Variants in NDUFB4 observed in about 807,000 individuals in gnomAD.
NDUFB4 encodes NADH dehydrogenase [ubiquinone] 1 beta subcomplex subunit 4.
NDUFB4 carries 10 observed loss-of-function variants against 14.5 expected under a neutral mutation model. The observed-to-expected ratio is 0.69, with a 90% CI of 0.43 to 1.17. The LOEUF is 1.17. Ranked by LOEUF, NDUFB4 falls within the 50% of genes most tolerant of loss-of-function variation. The pLI is 0.00. For synonymous variants in NDUFB4, 65 were observed against 63.4 expected (o/e 1.03, Z -0.12); for missense variants, 165 against 161.1 (o/e 1.02, Z -0.13).
intron 1 of NDUFB4, among the ~76,000 whole-genome samples, chr3:120,599,991 T>C (rs747236063): frequency 1.3e-5 from 2 of 151,802 alleles, no homozygotes; most frequent in Non-Finnish European, 2.9e-5. Flanking sequence ...GGTGTGATAA[T>C]GTCAATAGTT....
At chr3:120,596,562 G>T in intron 1 of NDUFB4, 23 bp downstream of exon 1, 2 of 1,610,414 alleles carry the variant, frequency 1.2e-6, no homozygotes, top group Non-Finnish European at 8.5e-7. Flanking sequence ...CCTCCCAGGC[G>T]GGAATAGGGC....
intron 2 of NDUFB4, 70 bp downstream of exon 2, chr3:120,601,327 T>G: frequency 6.3e-7 from 1 of 1,596,962 alleles, no homozygotes. Context: ...CTGCAGCTCC[T>G]TCTCTTGAAG....
Position 120,602,288 on chromosome 3 carries a change from A to G in NDUFB4, c.*18A>G, listed in dbSNP as rs746463863. 9 of 1,578,958 alleles carry G rather than the reference A, an allele frequency of 5.7e-6. No homozygotes were observed. The highest frequency in any genetic ancestry group is 2.3e-5 in the South Asian group (2 of 88,824). ...CATATTAAGTCTGGCAATGATGACTATATGTATTCCTGCCTAAATAAATCA... is the reference window on the plus strand; with the variant it reads ...CATATTAAGTCTGGCAATGATGACTGTATGTATTCCTGCCTAAATAAATCA... On this transcript the variant is annotated 3_prime_UTR_variant, in exon 3 of 3. Transcript: ENST00000184266.
chr3:120,600,525 A>G (rs1940040045), intron 1 of NDUFB4, among the ~76,000 whole-genome samples: 1 of 152,178 alleles, frequency 6.6e-6, no homozygotes. Flanking sequence ...AATAGTGTGA[A>G]ATGTCTGAAT....
chr3:120,598,429 A>G (rs536552121), intron 1 of NDUFB4, among the ~76,000 whole-genome samples: 7 of 152,274 alleles, frequency 4.6e-5, no homozygotes, highest in Admixed American at 3.9e-4. Flanking sequence ...CCTATTTTAC[A>G]TGCCAAGATA....
chr3:120,596,970 ATATATTCTATATATATGCATATATAT>A (rs1227244023), intron 1 of NDUFB4, among the ~76,000 whole-genome samples: 82 of 146,776 alleles, frequency 5.6e-4, no homozygotes, highest in African/African-American at 1.8e-3. Context: ...TATATTATAT[ATATATTCTATATATATGCATATATAT>A]TATATTCTAT....
At chr3:120,602,016 C>A in intron 2 of NDUFB4, 192 bp from the exon 3 acceptor site, 1 of 1,336,212 alleles carries the variant, frequency 7.5e-7, no homozygotes, top group Non-Finnish European at 9.5e-7. Context: ...ATTACTGTTT[C>A]TTCGCACACT....
Position 120,601,599 on chromosome 3 carries a change from A to G in NDUFB4, c.327+342A>G, listed in dbSNP as rs1188057523. The G allele has an allele frequency of 8.9e-6, 10 of 1,126,362 alleles. No homozygotes were observed. The Admixed American group carries it at 2.4e-4, about 27-fold the overall frequency. The allele number at this position is 1,126,362 out of a possible 1,614,324, so 69.8% of individuals were successfully genotyped here. ...ATTTTGCAAATTAATGTTAAAACCTATTAATACTCTACGGACAGAGAAGCA... is the reference window on the plus strand; with the variant it reads ...ATTTTGCAAATTAATGTTAAAACCTGTTAATACTCTACGGACAGAGAAGCA... On this transcript the variant is annotated intron_variant, in intron 2 of 2. Coordinates refer to ENST00000184266, the MANE Select transcript of NDUFB4 (RefSeq NM_004547.6).
At chr3:120,596,682 T>C (rs556537773) in intron 1 of NDUFB4, 143 bp downstream of exon 1, 2 of 926,318 alleles carry the variant, frequency 2.2e-6, no homozygotes, top group South Asian at 3.3e-5. Context: ...ACTACCCTTT[T>C]ACCTTTGCCA....
At position 120,601,267 on chromosome 3, in the gene NDUFB4, C is replaced by T. The variant is rs1272073000; in HGVS notation, c.327+10C>T. 2 of 1,613,696 alleles carry T rather than the reference C, an allele frequency of 1.2e-6. No individual in the cohort carries two copies. The highest frequency in any genetic ancestry group is 2.7e-5 in the African/African-American group (2 of 74,890). ...TATCAAAACTGAGAGGGTAAGTATTCAGACCAGATGTTTAGTATTTGAGTG... is the reference window on the plus strand; with the variant it reads ...TATCAAAACTGAGAGGGTAAGTATTTAGACCAGATGTTTAGTATTTGAGTG... On this transcript the variant is annotated intron_variant, in intron 2 of 2. Coordinates refer to ENST00000184266, the MANE Select transcript of NDUFB4 (RefSeq NM_004547.6).
chr3:120,596,630 C>G, intron 1 of NDUFB4, 91 bp downstream of exon 1: 1 of 1,379,794 alleles, frequency 7.2e-7, no homozygotes, highest in South Asian at 1.3e-5. Flanking sequence ...CGCTCCCGAT[C>G]AGTATCTCAG....
chr3:120,602,324 A>C lies in NDUFB4; in HGVS notation c.*54A>C, dbSNP rs1448415033. 23 of 1,461,882 alleles carry C rather than the reference A, an allele frequency of 1.6e-5. No individual in the cohort carries two copies. The highest frequency in any genetic ancestry group is 2.2e-5 in the Non-Finnish European group (23 of 1,059,338). The allele number at this position is 1,461,882 out of a possible 1,614,324, so 90.6% of individuals were successfully genotyped here. A position where few individuals can be genotyped will look rare whatever the true frequency, so the allele number is the denominator to read the frequency against. On this transcript the variant is annotated 3_prime_UTR_variant, in exon 3 of 3. Transcript: ENST00000184266. The stretch of plus-strand genomic sequence containing the variant: ...TGCCTAAATAAATCATCTATTAATC[A>C]TTAAGTAGTAGTTTCTCTTTCTTAG...
At chr3:120,600,045 G>A (rs1017294323) in intron 1 of NDUFB4, among the ~76,000 whole-genome samples, 1 of 149,966 alleles carries the variant, frequency 6.7e-6, no homozygotes, top group Non-Finnish European at 1.5e-5. Context: ...ATCTAGTAGT[G>A]AGTGCTTACA....
rs148683664 is a variant in NDUFB4, at chr3:120,598,213, C to T, written c.180+1674C>T. Among the ~76,000 whole-genome samples the T allele has an allele frequency of 3.0e-4, 46 of 151,980 alleles. No individual in the cohort carries two copies. The East Asian group carries it at 3.9e-3, about 13-fold the overall frequency. On this transcript the variant is annotated intron_variant, in intron 1 of 2. Coordinates refer to ENST00000184266, the MANE Select transcript of NDUFB4 (RefSeq NM_004547.6). The stretch of plus-strand genomic sequence containing the variant: ...GACCACAGATGTGCGCTACCATGTC[C>T]GGTTAAGTTTTTGTATTTTTTATAG...
At chr3:120,601,088 C>T (rs1039996035) in intron 1 of NDUFB4, 23 bp from the exon 2 acceptor site, 3 of 1,587,996 alleles carry the variant, frequency 1.9e-6, no homozygotes, top group South Asian at 2.3e-5. Flanking sequence ...AGTTCTATAA[C>T]TTTTTGTTTT....
intron 1 of NDUFB4, among the ~76,000 whole-genome samples, chr3:120,598,436 G>A (rs1337678853): frequency 1.3e-5 from 2 of 152,084 alleles, no homozygotes; most frequent in Non-Finnish European, 1.5e-5. Context: ...TACATGCCAA[G>A]ATAACAATGG....
chr3:120,598,864 G>A (rs1300483780), intron 1 of NDUFB4, among the ~76,000 whole-genome samples: 1 of 152,168 alleles, frequency 6.6e-6, no homozygotes, highest in African/African-American at 2.4e-5. Flanking sequence ...GTAGGTAATT[G>A]TAAGGACTTT....
At chr3:120,602,106 A>G (rs1411359788) in intron 2 of NDUFB4, 102 bp from the exon 3 acceptor site, 5 of 1,523,270 alleles carry the variant, frequency 3.3e-6, no homozygotes, top group Middle Eastern at 1.9e-4. Flanking sequence ...GGGTTGTGCC[A>G]AAATGCAGTT....
intron 2 of NDUFB4, 150 bp downstream of exon 2, chr3:120,601,407 T>C: frequency 6.7e-7 from 1 of 1,481,988 alleles, no homozygotes; most frequent in Non-Finnish European, 8.9e-7. Context: ...TTTATCTTTA[T>C]TCCTTTCCAG....
Sources: allele counts gnomAD v4.1 joint callset (sites outside exome capture counted in the v4.1 genomes callset), GRCh38; gene constraint gnomAD v4.1.1; transcripts MANE v1.5; gene names NCBI Gene and HGNC (gene_info 2026-07-23, HGNC 2026-07-21).